The following COL1A2 variants were observed in gnomAD, a reference collection of about 807,000 sequenced individuals.
COL1A2 encodes collagen type I alpha 2 chain, also known as collagen alpha-2(I) chain.
In COL1A2, 49 loss-of-function variants were observed where a neutral mutation model predicts 174.3. That is an observed-to-expected ratio of 0.28 (90% CI 0.22 to 0.36). The LOEUF (loss-of-function observed/expected upper bound fraction) is 0.36. COL1A2 is among the 10% of genes least tolerant of loss of function. The probability of loss-of-function intolerance (pLI) is 1.00; values close to 1 mark genes in which losing one functional copy is unlikely to be tolerated. For synonymous variants in COL1A2, 655 were observed against 606.6 expected (o/e 1.08, Z -1.17); for missense variants, 1,438 against 1,822.7 (o/e 0.79, Z 3.84).
rs770567508 is a variant in COL1A2 at position 94,427,995 on chromosome 7, T to C, written c.3526+110T>C. ...ATGCATTTGGGTAAAGATTACATTA[T>C]GTGAAATCACACCCAATTAATGGAG... On this transcript the variant is annotated intron_variant, in intron 49 of 51. Coordinates refer to ENST00000297268, the MANE Select transcript of COL1A2 (RefSeq NM_000089.4). 92 of 1,205,122 alleles carry C rather than the reference T, an allele frequency of 7.6e-5. 1 individual carries two copies. Among genetic ancestry groups the C allele is most frequent in the Middle Eastern group, 7.6e-4 (4 of 5,246 alleles). The allele number at this position is 1,205,122 out of a possible 1,614,324, so 74.7% of individuals were successfully genotyped here. A position where few individuals can be genotyped will look rare whatever the true frequency, so the allele number is the denominator to read the frequency against.
At chr7:94,408,140 A>C in intron 13 of COL1A2, 43 bp from the exon 14 acceptor site, 1 of 1,601,600 alleles carries the variant, frequency 6.2e-7, no homozygotes, top group African/African-American at 1.3e-5. Flanking sequence ...GACTTTTTTT[A>C]AATTAGCATT....
chr7:94,409,264 A>C, intron 16 of COL1A2, 58 bp from the exon 17 acceptor site: 1 of 1,457,090 alleles, frequency 6.9e-7, no homozygotes, highest in Non-Finnish European at 9.6e-7. Flanking sequence ...CATCTTAAAA[A>C]CAGATATGCT....
At chr7:94,400,087 C>A in intron 4 of COL1A2, 109 bp from the exon 5 acceptor site, 1 of 966,074 alleles carries the variant, frequency 1.0e-6, no homozygotes, top group Non-Finnish European at 1.7e-6. Context: ...TATTAAATTT[C>A]CACCCTACTT....
At chr7:94,414,357 A>G in intron 29 of COL1A2, 82 bp downstream of exon 29, 1 of 1,225,578 alleles carries the variant, frequency 8.2e-7, no homozygotes. Flanking sequence ...CTATGCAATT[A>G]TAATATGTAA....
chr7:94,397,776 T>C lies in COL1A2; in HGVS notation c.81+18T>C. 7.7e-7 allele frequency: 1 copy of C among 1,294,654 alleles called. No individual in the cohort carries two copies. Among genetic ancestry groups the C allele is most frequent in the East Asian group, 2.3e-5 (1 of 42,612 alleles). The allele number at this position is 1,294,654 out of a possible 1,614,324, so 80.2% of individuals were successfully genotyped here. A position where few individuals can be genotyped will look rare whatever the true frequency, so the allele number is the denominator to read the frequency against. On this transcript the variant is annotated intron_variant, in intron 2 of 51. Coordinates refer to ENST00000297268, the MANE Select transcript of COL1A2 (RefSeq NM_000089.4). Reference sequence around the variant, plus strand: ...TACAAGAGGTGAGTAAAACTTTTTTTAGAATTTTTAAAAATACTTTGATTC... The same window carrying C: ...TACAAGAGGTGAGTAAAACTTTTTTCAGAATTTTTAAAAATACTTTGATTC...
At chr7:94,398,484 ATACTT>A (rs1008649068) in intron 3 of COL1A2, 88 bp downstream of exon 3, 3 of 542,400 alleles carry the variant, frequency 5.5e-6, no homozygotes, top group African/African-American at 4.1e-5. Context: ...TAGAAGGAAA[ATACTT>A]TATCAAAATT....
intron 23 of COL1A2, 111 bp from the exon 24 acceptor site, chr7:94,411,957 C>T: frequency 1.2e-6 from 1 of 834,656 alleles, no homozygotes; most frequent in Non-Finnish European, 2.0e-6. Flanking sequence ...TTACCCTAGG[C>T]AACAAACAAA....
intron 37 of COL1A2, 167 bp downstream of exon 37, chr7:94,420,815 C>G: frequency 1.1e-6 from 1 of 902,056 alleles, no homozygotes; most frequent in South Asian, 1.5e-5. Flanking sequence ...ATAAAAGTTT[C>G]ATGAATATTG....
chr7:94,409,470 G>A lies in COL1A2; in HGVS notation c.891+50G>A, dbSNP rs374863670. On this transcript the variant is annotated intron_variant, in intron 17 of 51. Coordinates refer to ENST00000297268, the MANE Select transcript of COL1A2 (RefSeq NM_000089.4). The stretch of plus-strand genomic sequence containing the variant: ...TTATTGAGTAAAAGAAAACAAAGGT[G>A]GAGTATGGGGAAGAAGAAGAATGAA... 5.6e-6 allele frequency: 9 copies of A among 1,610,044 alleles called. No homozygotes were observed. In the African/African-American group the frequency reaches 9.4e-5, roughly 17 times the overall value.
chr7:94,415,893 TAGAC>T (rs539329853), intron 30 of COL1A2, among the ~76,000 whole-genome samples: 29 of 152,110 alleles, frequency 1.9e-4, no homozygotes, highest in Non-Finnish European at 2.6e-4. Flanking sequence ...GATATTTAGA[TAGAC>T]AGACATATAT....
chr7:94,414,864 A>C (rs1189178789), intron 29 of COL1A2, among the ~76,000 whole-genome samples: 1 of 152,196 alleles, frequency 6.6e-6, no homozygotes, highest in Admixed American at 6.5e-5. Flanking sequence ...AGAATATGAT[A>C]ATTTCTCTTA....
intron 45 of COL1A2, 125 bp downstream of exon 45, chr7:94,426,176 C>A: frequency 1.0e-6 from 1 of 956,926 alleles, no homozygotes; most frequent in Non-Finnish European, 1.7e-6. Flanking sequence ...TCAGTCCATG[C>A]TGAGAATTGA....
intron 21 of COL1A2, 65 bp from the exon 22 acceptor site, chr7:94,410,824 A>G: frequency 6.4e-7 from 1 of 1,561,796 alleles, no homozygotes. Context: ...TATTTTTTAC[A>G]AACTCTACCT....
chr7:94,426,251 A>G (rs1792275572), intron 45 of COL1A2, among the ~76,000 whole-genome samples, 172 bp from the exon 46 acceptor site: 1 of 152,230 alleles, frequency 6.6e-6, no homozygotes, highest in Non-Finnish European at 1.5e-5. Flanking sequence ...ACAAGGATCT[A>G]GCCACTTTAC....
chr7:94,411,976 G>A, intron 23 of COL1A2, 92 bp from the exon 24 acceptor site: 1 of 1,053,934 alleles, frequency 9.5e-7, no homozygotes, highest in Non-Finnish European at 1.4e-6. Flanking sequence ...AAAAGTCGGG[G>A]GAAAAGGTGC....
At position 94,430,586 on chromosome 7, in the gene COL1A2, C is replaced by T. The variant is rs1025438678; in HGVS notation, c.*193C>T. 13 of 624,544 alleles carry T rather than the reference C, an allele frequency of 2.1e-5. No homozygotes were observed. The highest frequency in any genetic ancestry group is 3.5e-5 in the Non-Finnish European group (13 of 369,280). The allele number at this position is 624,544 out of a possible 1,614,324, so 38.7% of individuals were successfully genotyped here. Reference sequence around the variant, plus strand: ...CAATACAGTTTCATTAACTCCTTCCCCCGCTCCCCCAAAAATTTGAATTTT... The same window carrying T: ...CAATACAGTTTCATTAACTCCTTCCTCCGCTCCCCCAAAAATTTGAATTTT... On this transcript the variant is annotated 3_prime_UTR_variant, in exon 52 of 52. Transcript: ENST00000297268.
At position 94,405,725 on chromosome 7, in the gene COL1A2, G is replaced by A; in HGVS notation, c.539G>A (p.Arg180Lys). 1 of 1,612,724 alleles carries A rather than the reference G, an allele frequency of 6.2e-7. No homozygotes were observed. The highest frequency in any genetic ancestry group is 8.5e-7 in the Non-Finnish European group (1 of 1,178,754). ...GGACTTCCTGGCTTCAAAGGCATTAGGGTGAGCACATTCTTTACTCAGAAG... is the reference window on the plus strand; with the variant it reads ...GGACTTCCTGGCTTCAAAGGCATTAAGGTGAGCACATTCTTTACTCAGAAG... ...TPGLPGFKGI[R>K]GHNGLDGLKG... The change falls in exon 11 of 52, where the codon AGG becomes AAG. Residue 180 changes from arginine (R) to lysine (K), a missense_variant and splice_region_variant. This residue lies in a region of COL1A2 where 281 missense variants were observed against 310.9 expected (regional missense o/e 0.90). Transcript: ENST00000297268.
intron 32 of COL1A2, 95 bp from the exon 33 acceptor site, chr7:94,418,404 T>C (rs2115923846): frequency 1.7e-5 from 16 of 951,830 alleles, no homozygotes; most frequent in Non-Finnish European, 2.5e-5. Flanking sequence ...GAAGGTATCA[T>C]AGCATCTTCT....
At chr7:94,408,952 A>AT (rs1277220712) in intron 16 of COL1A2, 129 bp downstream of exon 16, 3 of 909,122 alleles carry the variant, frequency 3.3e-6, no homozygotes, top group Non-Finnish European at 3.5e-6. Context: ...TCCCTTCAAA[A>AT]TGGACATAGA....
Sources: allele counts gnomAD v4.1 joint callset (sites outside exome capture counted in the v4.1 genomes callset), GRCh38; gene constraint gnomAD v4.1.1; regional missense constraint gnomAD v4.1.1; transcripts MANE v1.5; gene names NCBI Gene and HGNC (gene_info 2026-07-23, HGNC 2026-07-21).